VPS13A: variants seen among roughly 807,000 people sequenced by gnomAD.
VPS13A encodes intermembrane lipid transfer protein VPS13A.
In VPS13A, 264 loss-of-function variants were observed where a neutral mutation model predicts 390.9. The observed-to-expected ratio is 0.68, with a 90% confidence interval of 0.61 to 0.75. VPS13A has a LOEUF of 0.75. VPS13A is among the 30% of genes least tolerant of loss of function. The pLI is 0.00. For missense variants in VPS13A, 3,409 were observed against 3,733.9 expected (o/e 0.91, Z 2.27); for synonymous variants, 1,231 against 1,227.1 (o/e 1.00, Z -0.07).
chr9:77,407,070 AG>A (rs1464612357), intron 70 of VPS13A, among the ~76,000 whole-genome samples: 6 of 152,224 alleles, frequency 3.9e-5, no homozygotes, highest in African/African-American at 1.4e-4. Flanking sequence ...AAATGGCAGA[AG>A]TACATACATG....
chr9:77,263,664 G>C (rs1392279860), intron 23 of VPS13A, among the ~76,000 whole-genome samples: 1 of 152,130 alleles, frequency 6.6e-6, no homozygotes, highest in Non-Finnish European at 1.5e-5. Flanking sequence ...CAGATGGATA[G>C]ATTGCAAAAA....
At chr9:77,326,932 C>T (rs1007526970) in intron 45 of VPS13A, among the ~76,000 whole-genome samples, 7 of 152,052 alleles carry the variant, frequency 4.6e-5, no homozygotes, top group African/African-American at 1.2e-4. Context: ...GAATTCTGTC[C>T]GTACAGCTCT....
chr9:77,265,615 T>C (rs781284038), intron 23 of VPS13A, among the ~76,000 whole-genome samples: 3 of 152,208 alleles, frequency 2.0e-5, no homozygotes, highest in Non-Finnish European at 4.4e-5. Flanking sequence ...CTGATAGTAG[T>C]TTGTAGTTCT....
intron 71 of VPS13A, among the ~76,000 whole-genome samples, chr9:77,415,442 A>G (rs1199791688): frequency 6.6e-6 from 1 of 152,244 alleles, no homozygotes; most frequent in Non-Finnish European, 1.5e-5. Flanking sequence ...TCCATGCCCA[A>G]TAATAATAGA....
At chr9:77,327,973 GC>G (rs1830098649) in intron 45 of VPS13A, among the ~76,000 whole-genome samples, 1 of 152,066 alleles carries the variant, frequency 6.6e-6, no homozygotes, top group African/African-American at 2.4e-5. Context: ...AATTTACTTT[GC>G]CCAGATCCAT....
chr9:77,217,815 C>A (rs1433558940), intron 10 of VPS13A, among the ~76,000 whole-genome samples: 1 of 123,076 alleles, frequency 8.1e-6, no homozygotes, highest in Non-Finnish European at 1.7e-5. Context: ...GGTTTCTTTT[C>A]TTTCGGGTAG....
At chr9:77,373,645 TTAAAC>T (rs1252766205) in intron 67 of VPS13A, among the ~76,000 whole-genome samples, 1 of 151,010 alleles carries the variant, frequency 6.6e-6, no homozygotes, top group South Asian at 2.1e-4. Context: ...TGGGATCTAA[TTAAAC>T]TAAAGAGCTT....
In VPS13A at chr9:77,340,489, A is replaced by G. The variant is rs769729835; in HGVS notation, c.6965A>G (p.Lys2322Arg). The G allele has an allele frequency of 6.2e-7, 1 of 1,613,500 alleles. No individual in the cohort carries two copies. Among genetic ancestry groups the G allele is most frequent in the Admixed American group, 1.7e-5 (1 of 60,016 alleles). The change falls in exon 50 of 72, where the codon AAA (lysine) becomes AGA (arginine). Residue 2322 changes from lysine to arginine, a missense_variant. By Grantham distance (26) the Lys-to-Arg change is conservative. This residue lies in a region of VPS13A where 2,717 missense variants were observed against 2,917.4 expected (regional missense o/e 0.93). Coordinates refer to ENST00000360280, the MANE Select transcript of VPS13A (RefSeq NM_033305.3). ...TPFYMIKNKS[K>R]YHISVAEEGN... is the part of the protein sequence containing the mutation. Reference sequence around the variant, plus strand: ...TTTTATATGATTAAAAACAAAAGCAAATACCATATATCAGTGGCTGAAGAA... The same window carrying G: ...TTTTATATGATTAAAAACAAAAGCAGATACCATATATCAGTGGCTGAAGAA...
intron 1 of VPS13A, among the ~76,000 whole-genome samples, chr9:77,198,257 T>G (rs1410793093): frequency 2.0e-5 from 3 of 152,184 alleles, no homozygotes; most frequent in African/African-American, 7.2e-5. Context: ...TAAAAATGTT[T>G]CCTCCAGAAC....
chr9:77,193,450 A>T (rs970052978), intron 1 of VPS13A, among the ~76,000 whole-genome samples: 4 of 152,086 alleles, frequency 2.6e-5, no homozygotes, highest in Non-Finnish European at 5.9e-5. Context: ...CCTGGCCAAC[A>T]TGGTGAAACC....
intron 47 of VPS13A, 140 bp downstream of exon 47, chr9:77,337,677 T>G (rs948389267): frequency 1.3e-6 from 1 of 796,202 alleles, no homozygotes; most frequent in Non-Finnish European, 1.9e-6. Context: ...AGATATTCTT[T>G]TGCAACAAGT....
At chr9:77,345,732 C>T (rs1034676921) in intron 52 of VPS13A, among the ~76,000 whole-genome samples, 22 of 152,002 alleles carry the variant, frequency 1.4e-4, no homozygotes, top group East Asian at 1.9e-4. Flanking sequence ...TCTTTCTTTT[C>T]ACCTGTTACT....
chr9:77,255,818 G>C (rs1825405541), intron 22 of VPS13A, among the ~76,000 whole-genome samples: 1 of 151,948 alleles, frequency 6.6e-6, no homozygotes, highest in African/African-American at 2.4e-5. Flanking sequence ...TCTCTTAACA[G>C]CCCTTTTTGT....
At chr9:77,305,341 G>C (rs1000469453) in intron 34 of VPS13A, among the ~76,000 whole-genome samples, 5 of 152,064 alleles carry the variant, frequency 3.3e-5, no homozygotes, top group Middle Eastern at 3.2e-3. Context: ...TAACTTACAG[G>C]GTAGGAGATG....
At chr9:77,293,569 T>C (rs1407965281) in intron 32 of VPS13A, 61 bp downstream of exon 32, 26 of 1,020,190 alleles carry the variant, frequency 2.5e-5, no homozygotes, top group Non-Finnish European at 3.4e-5. Context: ...ATATGTCAAA[T>C]ATGGATGAAG....
chr9:77,271,783 A>G (rs1436769860), intron 23 of VPS13A, among the ~76,000 whole-genome samples: 1 of 152,188 alleles, frequency 6.6e-6, no homozygotes, highest in Non-Finnish European at 1.5e-5. Context: ...TAACAACTAC[A>G]TTATAAAAGA....
In VPS13A at chr9:77,369,352, A is replaced by G. The variant is rs2131585316; in HGVS notation, c.8607A>G (p.Pro2869=). 4 of 1,613,908 alleles carry G rather than the reference A, an allele frequency of 2.5e-6. No homozygotes were observed. Among genetic ancestry groups the G allele is most frequent in the Non-Finnish European group, 2.5e-6 (3 of 1,179,870 alleles). The change falls in exon 63 of 72, where the codon CCA becomes CCG. Residue 2869 remains proline, a synonymous_variant. Coordinates refer to ENST00000360280, the MANE Select transcript of VPS13A (RefSeq NM_033305.3). The part of the protein sequence containing the change: ...LILGLDVLGN[P]FGLIREFSEG... ...TTGGACTTGATGTTTTGGGAAATCC[A>G]TTTGGCTTAATTAGAGAATTTTCTG...
At position 77,275,938 on chromosome 9, in the gene VPS13A, C is replaced by T. The variant is rs558406140; in HGVS notation, c.2668-127C>T. The T allele has an allele frequency of 7.8e-6, 8 of 1,023,674 alleles. No individual in the cohort carries two copies. In the East Asian group the frequency reaches 1.1e-4, roughly 14 times the overall value. 63.4% of individuals were successfully genotyped at this position (1,023,674 alleles called of 1,614,324 possible). On this transcript the variant is annotated intron_variant, in intron 25 of 71. Coordinates refer to ENST00000360280, the MANE Select transcript of VPS13A (RefSeq NM_033305.3). ...TTGTATGTCTGTGTGGGTATAAAATCTCTCCTAAATTTTAAATAATAATAT... is the reference window on the plus strand; with the variant it reads ...TTGTATGTCTGTGTGGGTATAAAATTTCTCCTAAATTTTAAATAATAATAT...
At chr9:77,184,261 A>AT (rs1824195302) in intron 1 of VPS13A, among the ~76,000 whole-genome samples, 1 of 151,986 alleles carries the variant, frequency 6.6e-6, no homozygotes, top group Non-Finnish European at 1.5e-5. Context: ...AAATACTCTA[A>AT]TTTTTTTCTT....
Sources: allele counts gnomAD v4.1 joint callset (sites outside exome capture counted in the v4.1 genomes callset), GRCh38; gene constraint gnomAD v4.1.1; regional missense constraint gnomAD v4.1.1; transcripts MANE v1.5; gene names NCBI Gene and HGNC (gene_info 2026-07-23, HGNC 2026-07-21).